The following PALMD variants were observed in gnomAD, a reference collection of about 807,000 sequenced individuals.
The protein encoded by PALMD is palmdelphin, also known as paralemmin-like protein.
A neutral mutation model predicts 56.2 loss-of-function variants in PALMD; 42 were observed. That is an observed-to-expected ratio of 0.75 (90% CI 0.58 to 0.97). The LOEUF (loss-of-function observed/expected upper bound fraction) is 0.97, where lower values mean the gene tolerates loss of function less well. Ranked by LOEUF, PALMD falls within the 50% of genes least tolerant of loss-of-function variation. PALMD has a pLI of 0.00. For missense variants in PALMD, 660 were observed against 643.8 expected (o/e 1.03, Z -0.27); for synonymous variants, 242 against 222.9 (o/e 1.09, Z -0.76).
Position 99,689,185 on chromosome 1 carries a change from C to A in PALMD, c.925C>A (p.Leu309Ile). Reference protein sequence around the residue: ...NESIHNMGNGLSEERGNNFNH... With the variant: ...NESIHNMGNGISEERGNNFNH... Reference sequence around the variant, plus strand: ...ATCCATACACAATATGGGCAATGGTCTTTCAGAGGAAAGGGGAAACAACTT... The same window carrying A: ...ATCCATACACAATATGGGCAATGGTATTTCAGAGGAAAGGGGAAACAACTT... The change falls in exon 7 of 8, where the codon CTT becomes ATT. Residue 309 changes from leucine to isoleucine, a missense_variant. Coordinates refer to ENST00000263174, the MANE Select transcript of PALMD (RefSeq NM_017734.5). The A allele has an allele frequency of 6.2e-7, 1 of 1,613,490 alleles. No homozygotes were observed.
intron 1 of PALMD, among the ~76,000 whole-genome samples, chr1:99,651,601 G>T (rs1308003051): frequency 1.3e-5 from 2 of 152,102 alleles, no homozygotes; most frequent in African/African-American, 2.4e-5. Context: ...CTCTTAAAAA[G>T]AAATAAGAAT....
At chr1:99,664,194 G>T (rs1571064088) in intron 2 of PALMD, among the ~76,000 whole-genome samples, 1 of 152,130 alleles carries the variant, frequency 6.6e-6, no homozygotes, top group African/African-American at 2.4e-5. Flanking sequence ...GGAGTTGGGG[G>T]AAATGACACA....
rs748006203 is a variant in PALMD at position 99,689,440 on chromosome 1, G to A, written c.1180G>A (p.Asp394Asn). The part of the protein sequence containing the change: ...SSPTCQEDEE[D>N]VRYNIVHSLP... ...ACCCACTTGTCAGGAGGACGAGGAA[G>A]ATGTCAGATATAATATCGTTCATTC... Residue 394 changes from aspartate to asparagine, a missense_variant, in exon 7 of 8, where the codon GAT becomes AAT. By Grantham distance (23) the Asp-to-Asn change is conservative (BLOSUM62 1). Transcript: ENST00000263174. 2 of 1,613,638 alleles carry A rather than the reference G, an allele frequency of 1.2e-6. No individual in the cohort carries two copies. Among genetic ancestry groups the A allele is most frequent in the Non-Finnish European group, 8.5e-7 (1 of 1,179,820 alleles).
intron 6 of PALMD, among the ~76,000 whole-genome samples, chr1:99,687,847 G>C (rs1653542947): frequency 6.6e-6 from 1 of 152,068 alleles, no homozygotes; most frequent in African/African-American, 2.4e-5. Context: ...GACAGGGAGA[G>C]TGCAGATGAG....
chr1:99,686,508 A>T (rs1653499103), intron 3 of PALMD, 168 bp from the exon 4 acceptor site: 2 of 435,712 alleles, frequency 4.6e-6, no homozygotes, highest in Non-Finnish European at 8.2e-6. Context: ...TCTTCCATAT[A>T]TTAAGTATCA....
chr1:99,688,971 T>G lies in PALMD; in HGVS notation c.711T>G (p.Val237=). The G allele has an allele frequency of 6.2e-7, 1 of 1,613,756 alleles. No homozygotes were observed. ...ATGGCACCGATGGCCTGGCACCAGT[T>G]GAAGTAGAGGAACTTCTAAGACAAG... ...AYNGTDGLAP[V]EVEELLRQAS... is the part of the protein sequence containing the mutation. The change falls in exon 7 of 8, where the codon GTT becomes GTG. Residue 237 remains valine, a synonymous_variant. Coordinates refer to ENST00000263174, the MANE Select transcript of PALMD (RefSeq NM_017734.5).
intron 3 of PALMD, among the ~76,000 whole-genome samples, chr1:99,674,539 C>A (rs1330787458): frequency 6.6e-6 from 1 of 151,560 alleles, no homozygotes; most frequent in African/African-American, 2.4e-5. Context: ...ATTCCATGAA[C>A]ATTATTGAGA....
In PALMD at chr1:99,689,402, AC is replaced by A. The variant is rs780173492; in HGVS notation, c.1144del (p.Gln382ArgfsTer26). 11 of 1,613,692 alleles carry A rather than the reference AC, an allele frequency of 6.8e-6. No homozygotes were observed. The highest frequency in any genetic ancestry group is 3.4e-6 in the Non-Finnish European group (4 of 1,179,852). On this transcript the variant is annotated frameshift_variant, in exon 7 of 8. Transcript: ENST00000263174. LOFTEE classifies it high-confidence loss of function. ...GAGACAATATTTGGGAAATCTGAAC[AC>A]CAGAATTCTTCACCCACTTGTCAGG... is the stretch of plus-strand genomic sequence containing the variant. ...PRETIFGKSE[H>X]QNSSPTCQED...
intron 1 of PALMD, among the ~76,000 whole-genome samples, chr1:99,657,307 A>T (rs1359153578): frequency 6.6e-6 from 1 of 152,026 alleles, no homozygotes; most frequent in Non-Finnish European, 1.5e-5. Context: ...CCTTCTCCTG[A>T]TACTCCTCTG....
chr1:99,651,942 G>T (rs1276876405), intron 1 of PALMD, among the ~76,000 whole-genome samples: 1 of 152,164 alleles, frequency 6.6e-6, no homozygotes, highest in Non-Finnish European at 1.5e-5. Flanking sequence ...AGCAAAGTGG[G>T]CTACAACAGC....
At chr1:99,672,794 C>A (rs187318608) in intron 3 of PALMD, among the ~76,000 whole-genome samples, 7 of 152,284 alleles carry the variant, frequency 4.6e-5, no homozygotes, top group Admixed American at 3.9e-4. Context: ...GAGAATGATG[C>A]AAATACACTG....
intron 7 of PALMD, among the ~76,000 whole-genome samples, chr1:99,691,034 A>C (rs1301015607): frequency 6.6e-6 from 1 of 152,188 alleles, no homozygotes; most frequent in Admixed American, 6.5e-5. Flanking sequence ...TAATTACCTG[A>C]AGAATTTCTA....
chr1:99,652,286 A>C (rs1652603505), intron 1 of PALMD, among the ~76,000 whole-genome samples: 1 of 151,846 alleles, frequency 6.6e-6, no homozygotes, highest in Non-Finnish European at 1.5e-5. Context: ...TCAACATCAC[A>C]CCCCTGACCC....
Position 99,661,040 on chromosome 1 carries a change from A to T in PALMD, c.46-1279A>T, listed in dbSNP as rs1038857743. ...AAAAAAGAGTTTTTATCTTCAAAAT[A>T]GTCACATCAGGGAACCCATGCACTT... On this transcript the variant is annotated intron_variant, in intron 1 of 7. Coordinates refer to ENST00000263174, the MANE Select transcript of PALMD (RefSeq NM_017734.5). Among the ~76,000 whole-genome samples the T allele has an allele frequency of 2.6e-5, 4 of 152,250 alleles. No homozygotes were observed. The East Asian group carries it at 7.7e-4, about 29-fold the overall frequency.
In PALMD at chr1:99,689,505, G is replaced by T; in HGVS notation, c.1245G>T (p.Met415Ile). 1 of 1,613,822 alleles carries T rather than the reference G, an allele frequency of 6.2e-7. No homozygotes were observed. Among genetic ancestry groups the T allele is most frequent in the South Asian group, 1.1e-5 (1 of 91,064 alleles). The stretch of plus-strand genomic sequence containing the variant: ...TAAATGATACAGAACCGGTGACAAT[G>T]ATTTTCATGGGGTATCAGCAGGCAG... ...PDINDTEPVT[M>I]IFMGYQQAED... The change falls in exon 7 of 8, where the codon ATG becomes ATT. Residue 415 changes from methionine (M) to isoleucine (I), a missense_variant. By Grantham distance (10) the Met-to-Ile change is conservative. Coordinates refer to ENST00000263174, the MANE Select transcript of PALMD (RefSeq NM_017734.5).
At chr1:99,684,870 G>A (rs1243483523) in intron 3 of PALMD, 1 of 152,208 alleles carries the variant, frequency 6.6e-6, no homozygotes, top group Admixed American at 6.5e-5. Context: ...ACAGGAAGCT[G>A]GCAGATGAAC....
At chr1:99,648,188 T>A (rs1652486078) in intron 1 of PALMD, among the ~76,000 whole-genome samples, 1 of 152,158 alleles carries the variant, frequency 6.6e-6, no homozygotes, top group Non-Finnish European at 1.5e-5. Flanking sequence ...GTATAAAGGT[T>A]GTAGGGAAAA....
At chr1:99,674,710 A>T (rs1168978198) in intron 3 of PALMD, among the ~76,000 whole-genome samples, 1 of 152,210 alleles carries the variant, frequency 6.6e-6, no homozygotes, top group Non-Finnish European at 1.5e-5. Context: ...GCCTTGAAAT[A>T]CAAATATGAC....
chr1:99,656,368 C>CT (rs56041296), intron 1 of PALMD, among the ~76,000 whole-genome samples: 3 of 151,790 alleles, frequency 2.0e-5, no homozygotes, highest in Non-Finnish European at 2.9e-5. Flanking sequence ...TAGCACGTCT[C>CT]TTTTTTTTCA....
Sources: gnomAD v4.1 joint callset for allele counts (sites outside exome capture counted in the v4.1 genomes callset) on GRCh38, gnomAD v4.1.1 for gene constraint, MANE v1.5 for transcripts, NCBI Gene and HGNC (gene_info 2026-07-23, HGNC 2026-07-21) for gene names.